The following ADAMTSL3 variants were observed in gnomAD, a reference collection of about 807,000 sequenced individuals.
The protein encoded by ADAMTSL3 is ADAMTS-like protein 3.
Under a neutral mutation model 201.7 loss-of-function variants are expected in ADAMTSL3, and 128 were observed. The ratio of observed to expected loss-of-function variants is 0.63; its 90% CI spans 0.55 to 0.73. The LOEUF (loss-of-function observed/expected upper bound fraction) is 0.73, where lower values mean the gene tolerates loss of function less well. Among genes scored for constraint, ADAMTSL3 ranks in the 30% least tolerant of loss-of-function variants. The pLI is 0.00. For missense variants in ADAMTSL3, 1,990 were observed against 2,119.6 expected, an observed-to-expected ratio of 0.94 and a Z score of 1.20; for synonymous variants, 738 against 748.4, an observed-to-expected ratio of 0.99 and a Z score of 0.23.
chr15:83,862,920 G>A (rs1325500800), intron 8 of ADAMTSL3: 2 of 152,154 alleles, frequency 1.3e-5, no homozygotes, highest in Admixed American at 6.5e-5. Context: ...AAGGGATGGA[G>A]GAAGACCTAC....
chr15:83,800,098 T>C (rs1375349448), intron 4 of ADAMTSL3, among the ~76,000 whole-genome samples: 1 of 148,244 alleles, frequency 6.7e-6, no homozygotes, highest in East Asian at 1.9e-4. Context: ...ATGTTAAAAA[T>C]GGTCGCCAGG....
intron 23 of ADAMTSL3, among the ~76,000 whole-genome samples, chr15:83,993,517 C>T (rs1235437695): frequency 6.6e-6 from 1 of 152,126 alleles, no homozygotes; most frequent in Non-Finnish European, 1.5e-5. Context: ...TTGTAATGAA[C>T]TTATTTTTAT....
At chr15:83,930,380 C>T (rs547096056) in intron 17 of ADAMTSL3, among the ~76,000 whole-genome samples, 35 of 152,292 alleles carry the variant, frequency 2.3e-4, no homozygotes, top group African/African-American at 8.2e-4. Context: ...GTTTGACCTG[C>T]CCAGGAGGTC....
intron 8 of ADAMTSL3, among the ~76,000 whole-genome samples, chr15:83,868,809 T>A (rs1383881124): frequency 6.6e-6 from 1 of 152,222 alleles, no homozygotes; most frequent in Non-Finnish European, 1.5e-5. Flanking sequence ...TCCATGTCAC[T>A]GAGACTCTTA....
rs148392189 is a variant in ADAMTSL3 at position 84,037,144 on chromosome 15, G to C, written c.4969+157G>C. 7.8e-6 allele frequency: 6 copies of C among 767,734 alleles called. No individual in the cohort carries two copies. In the East Asian group the frequency reaches 1.3e-4, roughly 17 times the overall value. 47.6% of individuals were successfully genotyped at this position (767,734 alleles called of 1,614,324 possible). On this transcript the variant is annotated intron_variant, in intron 29 of 29. Transcript: ENST00000286744. ...TGGATTTGGTAGCTTGGGACATCAG[G>C]GGATGAACTCCTTTATGTGGGTGCA...
intron 28 of ADAMTSL3, among the ~76,000 whole-genome samples, chr15:84,035,307 C>T (rs527330032): frequency 3.9e-5 from 6 of 152,252 alleles, no homozygotes; most frequent in African/African-American, 1.4e-4. Flanking sequence ...AAGACAAGAC[C>T]ACCCAAAACT....
In ADAMTSL3 at chr15:83,974,486, C is replaced by T. The variant is rs572605968; in HGVS notation, c.2644+3849C>T. On this transcript the variant is annotated intron_variant, in intron 20 of 29. Transcript: ENST00000286744. Reference sequence around the variant, plus strand: ...TATCTCATTTCTATTATAGATTTAACACAGGATAAAATGTAATAAGTAAGT... The same window carrying T: ...TATCTCATTTCTATTATAGATTTAATACAGGATAAAATGTAATAAGTAAGT... Among the ~76,000 whole-genome samples the T allele has an allele frequency of 5.3e-5, 8 of 152,258 alleles. No individual in the cohort carries two copies. The East Asian group carries it at 1.5e-3, about 29-fold the overall frequency.
rs1418189521 is a variant in ADAMTSL3, at chr15:83,970,684, C to T, written c.2644+47C>T. 8 of 1,599,586 alleles carry T rather than the reference C, an allele frequency of 5.0e-6. No individual in the cohort carries two copies. In the African/African-American group the frequency reaches 1.1e-4, roughly 21 times the overall value. ...TTCACCAAGATATGCTGATTCTGTT[C>T]ATTTTGTCCCGATGTCTTTATTTTC... On this transcript the variant is annotated intron_variant, in intron 20 of 29. Transcript: ENST00000286744.
rs1371254234 is a variant in ADAMTSL3 at position 83,857,929 on chromosome 15, T to C, written c.728-837T>C. 2.0e-5 allele frequency among the ~76,000 whole-genome samples: 3 copies of C among 152,180 alleles called. No individual in the cohort carries two copies. The East Asian group carries it at 5.8e-4, about 29-fold the overall frequency. On this transcript the variant is annotated intron_variant, in intron 7 of 29. Transcript: ENST00000286744. ...CAGAGAGGGGACTAGTGAGATAAAATATCATATATGAGCTTAGATTATTAT... is the reference window on the plus strand; with the variant it reads ...CAGAGAGGGGACTAGTGAGATAAAACATCATATATGAGCTTAGATTATTAT...
At chr15:83,671,461 C>A (rs888888934) in intron 2 of ADAMTSL3, among the ~76,000 whole-genome samples, 6 of 152,226 alleles carry the variant, frequency 3.9e-5, no homozygotes, top group Middle Eastern at 3.4e-3. Flanking sequence ...ATATTTTATA[C>A]TATTTTAAAA....
chr15:83,838,615 A>G (rs757704268), intron 7 of ADAMTSL3, among the ~76,000 whole-genome samples: 2 of 152,182 alleles, frequency 1.3e-5, no homozygotes, highest in African/African-American at 2.4e-5. Context: ...CAATTTTCCT[A>G]TTTGGATGTA....
intron 17 of ADAMTSL3, 81 bp downstream of exon 17, chr15:83,924,114 G>A: frequency 6.5e-7 from 1 of 1,537,200 alleles, no homozygotes; most frequent in East Asian, 2.4e-5. Context: ...CCTAAGTGCA[G>A]ACTTGTGGCT....
chr15:83,978,986 C>G (rs542571927), intron 20 of ADAMTSL3, among the ~76,000 whole-genome samples: 4 of 152,342 alleles, frequency 2.6e-5, no homozygotes, highest in African/African-American at 9.6e-5. Flanking sequence ...CTTTAAGCCC[C>G]AAGCTCAGCT....
At chr15:83,947,446 C>G (rs377501227) in intron 19 of ADAMTSL3, among the ~76,000 whole-genome samples, 4 of 152,198 alleles carry the variant, frequency 2.6e-5, no homozygotes, top group Non-Finnish European at 5.9e-5. Flanking sequence ...CAGAAAGGAG[C>G]CTTCAGTTCT....
intron 17 of ADAMTSL3, among the ~76,000 whole-genome samples, chr15:83,938,515 C>G (rs1450334161): frequency 5.3e-5 from 8 of 152,174 alleles, no homozygotes; most frequent in Middle Eastern, 6.8e-3. Flanking sequence ...TAAACTGCAT[C>G]TCAATAAAGC....
Position 84,037,774 on chromosome 15 carries a change from C to G in ADAMTSL3, c.5044C>G (p.Gln1682Glu). The change falls in exon 30 of 30, where the codon CAA becomes GAA. Residue 1682 changes from glutamine (Q) to glutamate (E), a missense_variant. Gln to Glu is a conservative substitution (Grantham distance 29). Coordinates refer to ENST00000286744, the MANE Select transcript of ADAMTSL3 (RefSeq NM_207517.3). ...LNLCSLDRYK[Q>E]RCCQSCQEG ...TTTGTGTTCTCTAGACCGCTACAAA[C>G]AAAGGTGCTGCCAGTCATGTCAAGA... 1 of 1,613,954 alleles carries G rather than the reference C, an allele frequency of 6.2e-7. No individual in the cohort carries two copies.
chr15:84,025,212 T>G (rs1193066571), intron 26 of ADAMTSL3, 26 bp from the exon 27 acceptor site: 1 of 1,562,650 alleles, frequency 6.4e-7, no homozygotes, highest in South Asian at 1.2e-5. Flanking sequence ...CAGTCCTTAC[T>G]AAAGTCCTGT....
At chr15:83,830,279 A>G (rs891491910) in intron 6 of ADAMTSL3, among the ~76,000 whole-genome samples, 1 of 152,200 alleles carries the variant, frequency 6.6e-6, no homozygotes, top group Non-Finnish European at 1.5e-5. Flanking sequence ...GGTTAAATCT[A>G]ATGATCTAAT....
intron 10 of ADAMTSL3, among the ~76,000 whole-genome samples, chr15:83,886,774 G>C (rs764217426): frequency 9.2e-5 from 14 of 152,196 alleles, no homozygotes; most frequent in Non-Finnish European, 1.6e-4. Context: ...TCTTCAGTCA[G>C]TGAATATGCT....
Sources: gnomAD v4.1 joint callset for allele counts (sites outside exome capture counted in the v4.1 genomes callset) on GRCh38, gnomAD v4.1.1 for gene constraint, MANE v1.5 for transcripts, NCBI Gene and HGNC (gene_info 2026-07-23, HGNC 2026-07-21) for gene names.